The following MYRIP variants were observed in gnomAD, a reference collection of about 807,000 sequenced individuals.
The protein encoded by MYRIP is myosin VIIA and Rab interacting protein.
MYRIP carries 49 observed loss-of-function variants against 98.0 expected under a neutral mutation model. That is an observed-to-expected ratio of 0.50 (90% CI 0.40 to 0.63). The LOEUF is 0.63. Among genes scored for constraint, MYRIP ranks in the 30% least tolerant of loss-of-function variants. MYRIP has a pLI of 0.00. For synonymous variants in MYRIP, 404 were observed against 409.5 expected, an observed-to-expected ratio of 0.99 and a Z score of 0.16; for missense variants, 1,004 against 1,058.2, an observed-to-expected ratio of 0.95 and a Z score of 0.71.
At chr3:40,069,446 A>G (rs1172834632) in intron 3 of MYRIP, among the ~76,000 whole-genome samples, 2 of 151,970 alleles carry the variant, frequency 1.3e-5, no homozygotes, top group Non-Finnish European at 2.9e-5. Flanking sequence ...ATAACATAGA[A>G]CTGAATATTT....
chr3:40,021,121 C>A (rs142313378), intron 2 of MYRIP, among the ~76,000 whole-genome samples: 7 of 152,270 alleles, frequency 4.6e-5, no homozygotes, highest in Non-Finnish European at 8.8e-5. Context: ...CCTTTACCCC[C>A]CTTTGCTCTG....
At chr3:40,108,165 C>T (rs1949086846) in intron 3 of MYRIP, among the ~76,000 whole-genome samples, 1 of 130,176 alleles carries the variant, frequency 7.7e-6, no homozygotes, top group Non-Finnish European at 1.6e-5. Context: ...TATGAGTTAG[C>T]AGTGTTTGTG....
intron 10 of MYRIP, among the ~76,000 whole-genome samples, chr3:40,195,137 T>G (rs1022442049): frequency 1.3e-5 from 2 of 152,360 alleles, no homozygotes; most frequent in African/African-American, 4.8e-5. Flanking sequence ...GTGACCTGCT[T>G]CCAGTGTTTC....
intron 3 of MYRIP, among the ~76,000 whole-genome samples, chr3:40,053,168 G>C (rs1436751625): frequency 6.6e-6 from 1 of 152,100 alleles, no homozygotes; most frequent in African/African-American, 2.4e-5. Flanking sequence ...TATCAGCCTA[G>C]TGTTGCCCTT....
chr3:39,965,177 T>G lies in MYRIP; in HGVS notation c.110+64251T>G, dbSNP rs148148189. On this transcript the variant is annotated intron_variant, in intron 2 of 16. Transcript: ENST00000302541. ...TGAACATGTTACATATTAAACTGAT[T>G]AGTATTGCGACCCAATTGGATTTTA... 1.1e-4 allele frequency among the ~76,000 whole-genome samples: 17 copies of G among 152,232 alleles called. No individual in the cohort carries two copies. The East Asian group carries it at 3.3e-3, about 29-fold the overall frequency.
intron 3 of MYRIP, among the ~76,000 whole-genome samples, chr3:40,097,046 G>C (rs368969106): frequency 1.3e-5 from 2 of 152,286 alleles, no homozygotes; most frequent in African/African-American, 4.8e-5. Context: ...GACTTCTTCA[G>C]TGAAGCCTAG....
intron 1 of MYRIP, among the ~76,000 whole-genome samples, chr3:39,860,222 G>C (rs557830928): frequency 1.3e-5 from 2 of 152,304 alleles, no homozygotes; most frequent in East Asian, 3.9e-4. Context: ...TTGAGCAGGT[G>C]AGGAGCAACC....
chr3:39,907,219 C>T (rs1943899959), intron 2 of MYRIP, among the ~76,000 whole-genome samples: 1 of 152,196 alleles, frequency 6.6e-6, no homozygotes, highest in African/African-American at 2.4e-5. Context: ...ACTTTTTCTT[C>T]ACATCTACAG....
At chr3:39,997,362 A>T (rs927461227) in intron 2 of MYRIP, among the ~76,000 whole-genome samples, 4 of 152,090 alleles carry the variant, frequency 2.6e-5, no homozygotes, top group Non-Finnish European at 5.9e-5. Flanking sequence ...ATCACCACCG[A>T]TCCCACAGAA....
chr3:40,113,978 C>T (rs1197634825), intron 3 of MYRIP, among the ~76,000 whole-genome samples: 2 of 152,282 alleles, frequency 1.3e-5, no homozygotes, highest in African/African-American at 2.4e-5. Flanking sequence ...CATGAACCAC[C>T]GCACTCAGCC....
intron 2 of MYRIP, among the ~76,000 whole-genome samples, chr3:39,962,875 G>A (rs1304138): frequency 0.48 from 73,364 of 151,984 alleles, 19,827 homozygotes; most frequent in African/African-American, 0.75. Flanking sequence ...TTGACTTGCA[G>A]ACAGTTTCTG....
At chr3:39,895,053 T>C (rs1943572002) in intron 1 of MYRIP, among the ~76,000 whole-genome samples, 1 of 152,232 alleles carries the variant, frequency 6.6e-6, no homozygotes, top group East Asian at 1.9e-4. Flanking sequence ...ACATAGATGG[T>C]AAATTGCTTT....
chr3:40,159,069 G>C (rs1215501989), intron 4 of MYRIP, among the ~76,000 whole-genome samples: 9 of 151,916 alleles, frequency 5.9e-5, no homozygotes, highest in Non-Finnish European at 1.2e-4. Flanking sequence ...CTCGTTAGTT[G>C]ATGCAGTTTC....
intron 1 of MYRIP, among the ~76,000 whole-genome samples, chr3:39,896,860 G>GT (rs200380330): frequency 0.012 from 1,776 of 144,526 alleles, 22 homozygotes; most frequent in African/African-American, 0.037. Context: ...CTCTGTTTTT[G>GT]TTTTTTTTTT....
rs561946915 is a variant in MYRIP, at chr3:39,846,742, A to G, written c.-31+36826A>G. Reference sequence around the variant, plus strand: ...TTCTTGAGAGAAACAGAATCAATACAATATGCATATTTATAGAAATAGATT... The same window carrying G: ...TTCTTGAGAGAAACAGAATCAATACGATATGCATATTTATAGAAATAGATT... On this transcript the variant is annotated intron_variant, in intron 1 of 16. Transcript: ENST00000302541. Among the ~76,000 whole-genome samples, 6 of 152,348 alleles carry G rather than the reference A, an allele frequency of 3.9e-5. No homozygotes were observed. The East Asian group carries it at 1.2e-3, about 29-fold the overall frequency.
intron 2 of MYRIP, among the ~76,000 whole-genome samples, chr3:39,990,812 C>T (rs1043759738): frequency 6.6e-6 from 1 of 152,144 alleles, no homozygotes; most frequent in Non-Finnish European, 1.5e-5. Flanking sequence ...GTAGTTTTTG[C>T]AGGCACATGG....
chr3:39,895,329 G>A (rs966670916), intron 1 of MYRIP, among the ~76,000 whole-genome samples: 1 of 151,978 alleles, frequency 6.6e-6, no homozygotes, highest in African/African-American at 2.4e-5. Context: ...TGGGACTACA[G>A]GTGCCTGCCA....
In MYRIP at chr3:40,233,841, T is replaced by C; in HGVS notation, c.1906-18T>C. 1 of 1,607,266 alleles carries C rather than the reference T, an allele frequency of 6.2e-7. No homozygotes were observed. Among genetic ancestry groups the C allele is most frequent in the Non-Finnish European group, 8.5e-7 (1 of 1,177,740 alleles). On this transcript the variant is annotated intron_variant, in intron 11 of 16. Coordinates refer to ENST00000302541, the MANE Select transcript of MYRIP (RefSeq NM_015460.4). ...GCTGTTCTTGTCTTCTGTCCCCTTC[T>C]GTTATCGGACCAAACAGAAGTTTTC... is the stretch of plus-strand genomic sequence containing the variant.
intron 2 of MYRIP, among the ~76,000 whole-genome samples, chr3:40,020,819 C>T (rs1404010016): frequency 2.0e-5 from 3 of 152,134 alleles, no homozygotes; most frequent in African/African-American, 7.2e-5. Flanking sequence ...ACCTCTCCAA[C>T]ACCATTGTAG....
Sources: gnomAD v4.1 joint callset for allele counts (sites outside exome capture counted in the v4.1 genomes callset) on GRCh38, gnomAD v4.1.1 for gene constraint, MANE v1.5 for transcripts, NCBI Gene and HGNC (gene_info 2026-07-23, HGNC 2026-07-21) for gene names.